GRIA4: variants seen among roughly 807,000 people sequenced by gnomAD.
GRIA4 encodes the protein glutamate receptor 4.
A neutral mutation model predicts 104.0 loss-of-function variants in GRIA4; 34 were observed. That is an observed-to-expected ratio of 0.33 (90% CI 0.25 to 0.44). The LOEUF is 0.44. GRIA4 is among the 20% of genes least tolerant of loss of function. The probability of loss-of-function intolerance (pLI) is 1.00; values close to 1 mark genes in which losing one functional copy is unlikely to be tolerated. For synonymous variants in GRIA4, 386 were observed against 381.9 expected, an observed-to-expected ratio of 1.01 and a Z score of -0.13; for missense variants, 750 against 1,096.5, an observed-to-expected ratio of 0.68 and a Z score of 4.46.
intron 3 of GRIA4, among the ~76,000 whole-genome samples, chr11:105,681,674 C>T (rs1485884497): frequency 6.6e-6 from 1 of 151,996 alleles, no homozygotes; most frequent in Admixed American, 6.6e-5. Flanking sequence ...TTGTTGAATG[C>T]CTCATTAGTA....
At chr11:105,746,821 G>A (rs761915222) in intron 3 of GRIA4, among the ~76,000 whole-genome samples, 1 of 152,132 alleles carries the variant, frequency 6.6e-6, no homozygotes, top group Non-Finnish European at 1.5e-5. Flanking sequence ...AGCAGGTACT[G>A]TAGCTTCCCT....
intron 3 of GRIA4, among the ~76,000 whole-genome samples, chr11:105,649,810 G>T (rs1399266676): frequency 6.6e-6 from 1 of 151,820 alleles, no homozygotes; most frequent in African/African-American, 2.4e-5. Flanking sequence ...CAACAACACA[G>T]AGGTAGATTT....
At chr11:105,712,845 A>G (rs1953959931) in intron 3 of GRIA4, among the ~76,000 whole-genome samples, 2 of 151,882 alleles carry the variant, frequency 1.3e-5, no homozygotes, top group African/African-American at 4.8e-5. Flanking sequence ...TATGAGCCCA[A>G]TGTGGAAAAA....
chr11:105,717,022 G>T (rs990501561), intron 3 of GRIA4, among the ~76,000 whole-genome samples: 1 of 151,994 alleles, frequency 6.6e-6, no homozygotes, highest in Non-Finnish European at 1.5e-5. Flanking sequence ...GTTACATGGA[G>T]GTTTATCTTA....
chr11:105,896,091 T>C (rs1002677114), intron 6 of GRIA4, among the ~76,000 whole-genome samples: 1 of 152,210 alleles, frequency 6.6e-6, no homozygotes, highest in African/African-American at 2.4e-5. Flanking sequence ...CACCAACATC[T>C]GCTATTTCTT....
At chr11:105,659,486 G>A (rs1429723630) in intron 3 of GRIA4, among the ~76,000 whole-genome samples, 2 of 151,908 alleles carry the variant, frequency 1.3e-5, no homozygotes, top group South Asian at 2.1e-4. Flanking sequence ...TAATGCTGAA[G>A]TGAATTTATC....
intron 3 of GRIA4, among the ~76,000 whole-genome samples, chr11:105,685,193 G>A (rs993261781): frequency 2.0e-5 from 3 of 150,914 alleles, no homozygotes; most frequent in African/African-American, 7.3e-5. Flanking sequence ...GAGGGAGGGA[G>A]GGAGGAAGGA....
chr11:105,722,583 T>C lies in GRIA4; in HGVS notation c.248-30398T>C, dbSNP rs1464256378. On this transcript the variant is annotated intron_variant, in intron 3 of 16. Coordinates refer to ENST00000282499, the MANE Select transcript of GRIA4 (RefSeq NM_000829.4). Reference sequence around the variant, plus strand: ...TAAAGGTTGTACCAATTCATGTTTTTATCAATAGTGAGCAAAAGTTCCCAT... The same window carrying C: ...TAAAGGTTGTACCAATTCATGTTTTCATCAATAGTGAGCAAAAGTTCCCAT... Among the ~76,000 whole-genome samples the C allele has an allele frequency of 2.0e-5, 3 of 152,118 alleles. No homozygotes were observed. In the East Asian group the frequency reaches 5.8e-4, roughly 29 times the overall value.
intron 15 of GRIA4, among the ~76,000 whole-genome samples, chr11:105,973,088 A>G (rs1377049286): frequency 6.6e-6 from 1 of 152,176 alleles, no homozygotes; most frequent in Non-Finnish European, 1.5e-5. Context: ...TGAAATCCTG[A>G]TGTAAAGTCA....
At chr11:105,952,932 A>G (rs1209078161) in intron 14 of GRIA4, among the ~76,000 whole-genome samples, 1 of 152,226 alleles carries the variant, frequency 6.6e-6, no homozygotes, top group African/African-American at 2.4e-5. Flanking sequence ...TGGAGTAAAA[A>G]TTCAATATCT....
chr11:105,845,056 G>A (rs1422166154), intron 4 of GRIA4, among the ~76,000 whole-genome samples: 1 of 152,130 alleles, frequency 6.6e-6, no homozygotes, highest in Non-Finnish European at 1.5e-5. Context: ...TTTAAACAAC[G>A]ACCATCATTT....
At chr11:105,953,258 T>C (rs1391299537) in intron 14 of GRIA4, among the ~76,000 whole-genome samples, 2 of 152,346 alleles carry the variant, frequency 1.3e-5, no homozygotes, top group East Asian at 3.9e-4. Flanking sequence ...TGATTCTTAT[T>C]TACTTTTTGT....
chr11:105,669,025 C>T (rs896642908), intron 3 of GRIA4, among the ~76,000 whole-genome samples: 4 of 151,886 alleles, frequency 2.6e-5, no homozygotes, highest in Non-Finnish European at 4.4e-5. Flanking sequence ...TTGCGGCTTT[C>T]TTAGAGTGCA....
chr11:105,871,808 G>T (rs1345905456), intron 5 of GRIA4, among the ~76,000 whole-genome samples: 1 of 151,876 alleles, frequency 6.6e-6, no homozygotes, highest in African/African-American at 2.4e-5. Flanking sequence ...GACCAAAAAT[G>T]GTATTAGCTG....
chr11:105,674,626 C>G (rs1952478822), intron 3 of GRIA4, among the ~76,000 whole-genome samples: 1 of 151,810 alleles, frequency 6.6e-6, no homozygotes, highest in Non-Finnish European at 1.5e-5. Flanking sequence ...AGCAGTAAAT[C>G]TAACTATTCT....
intron 6 of GRIA4, among the ~76,000 whole-genome samples, chr11:105,891,442 T>C (rs1364431218): frequency 6.6e-6 from 1 of 152,144 alleles, no homozygotes; most frequent in African/African-American, 2.4e-5. Flanking sequence ...GGATTTGCAC[T>C]CTTGAACTTA....
intron 4 of GRIA4, among the ~76,000 whole-genome samples, chr11:105,828,065 C>A (rs2135923982): frequency 6.6e-6 from 1 of 152,066 alleles, no homozygotes; most frequent in East Asian, 1.9e-4. Flanking sequence ...TATTTTTAGT[C>A]ATTAAAGATA....
intron 3 of GRIA4, among the ~76,000 whole-genome samples, chr11:105,711,391 G>A (rs945878165): frequency 1.3e-5 from 2 of 151,614 alleles, no homozygotes; most frequent in East Asian, 1.9e-4. Flanking sequence ...AAACCTGCAC[G>A]CTGTGCACAT....
chr11:105,813,741 C>A (rs529814720), intron 4 of GRIA4, among the ~76,000 whole-genome samples: 1 of 152,240 alleles, frequency 6.6e-6, no homozygotes, highest in East Asian at 1.9e-4. Flanking sequence ...GTTCTTCTCT[C>A]CTCAGAAAGT....
Sources: gnomAD v4.1 joint callset for allele counts (sites outside exome capture counted in the v4.1 genomes callset) on GRCh38, gnomAD v4.1.1 for gene constraint, MANE v1.5 for transcripts, NCBI Gene and HGNC (gene_info 2026-07-23, HGNC 2026-07-21) for gene names.